Variants in BANK1 observed in about 807,000 individuals in gnomAD.
The protein encoded by BANK1 is B-cell scaffold protein with ankyrin repeats.
A neutral mutation model predicts 94.5 loss-of-function variants in BANK1; 95 were observed. The ratio of observed to expected loss-of-function variants is 1.00; its 90% confidence interval spans 0.85 to 1.19. The LOEUF (loss-of-function observed/expected upper bound fraction) is 1.19. Among genes scored for constraint, BANK1 ranks in the 50% most tolerant of loss-of-function variants. The probability of loss-of-function intolerance (pLI) is 0.00; values close to 1 mark genes in which losing one functional copy is unlikely to be tolerated. For missense variants in BANK1, 987 were observed against 932.2 expected, an observed-to-expected ratio of 1.06 and a Z score of -0.77; for synonymous variants, 334 against 308.4, an observed-to-expected ratio of 1.08 and a Z score of -0.87.
chr4:102,066,043 C>G (rs1728580250), intron 13 of BANK1, among the ~76,000 whole-genome samples: 1 of 152,062 alleles, frequency 6.6e-6, no homozygotes, highest in Non-Finnish European at 1.5e-5. Flanking sequence ...TTAATGCAAA[C>G]CACTTGCATA....
chr4:101,836,957 A>G (rs1053248445), intron 2 of BANK1, among the ~76,000 whole-genome samples: 1 of 152,052 alleles, frequency 6.6e-6, no homozygotes, highest in African/African-American at 2.4e-5. Flanking sequence ...ATTGGCCTAG[A>G]TCTTCATCTT....
At chr4:101,937,900 T>C (rs1356003883) in intron 7 of BANK1, among the ~76,000 whole-genome samples, 2 of 151,890 alleles carry the variant, frequency 1.3e-5, no homozygotes, top group African/African-American at 4.8e-5. Context: ...CATGGAATAC[T>C]ATGCAGCCAT....
chr4:101,994,208 T>G lies in BANK1; in HGVS notation c.1207-27306T>G, dbSNP rs552581748. ...ACAAAAGGAACATATCTAAGTTTTGTTAAATTCCAATTAAAGAATGAGTTA... is the reference window on the plus strand; with the variant it reads ...ACAAAAGGAACATATCTAAGTTTTGGTAAATTCCAATTAAAGAATGAGTTA... On this transcript the variant is annotated intron_variant, in intron 7 of 16. Transcript: ENST00000322953. Among the ~76,000 whole-genome samples, 4 of 152,330 alleles carry G rather than the reference T, an allele frequency of 2.6e-5. No homozygotes were observed. The East Asian group carries it at 7.7e-4, about 29-fold the overall frequency.
chr4:101,844,394 G>T (rs935884284), intron 2 of BANK1, among the ~76,000 whole-genome samples: 6 of 152,214 alleles, frequency 3.9e-5, no homozygotes, highest in Non-Finnish European at 8.8e-5. Context: ...GAACTGGTGA[G>T]AAGATTGGAA....
At chr4:101,867,093 C>A in intron 4 of BANK1, among the ~76,000 whole-genome samples, 1 of 72,280 alleles carries the variant, frequency 1.4e-5, no homozygotes, top group Non-Finnish European at 2.5e-5. Flanking sequence ...TGCAGTGCAC[C>A]AGCATGGCAC....
chr4:101,891,753 C>T (rs979763868), intron 5 of BANK1, among the ~76,000 whole-genome samples: 1 of 151,966 alleles, frequency 6.6e-6, no homozygotes, highest in Admixed American at 6.6e-5. Context: ...TTCCTCTGTT[C>T]TCTTCATGTC....
intron 10 of BANK1, chr4:102,036,963 G>T (rs1159366504): frequency 6.6e-6 from 1 of 152,176 alleles, no homozygotes. Flanking sequence ...GACATTAAAA[G>T]ATTTTCATTA....
chr4:101,819,483 A>G (rs543820303), intron 1 of BANK1, among the ~76,000 whole-genome samples: 2 of 152,304 alleles, frequency 1.3e-5, no homozygotes, highest in Admixed American at 1.3e-4. Flanking sequence ...TAGAACCTTC[A>G]TAGGCTATAC....
chr4:101,910,335 CAAATT>C (rs2148897185), intron 6 of BANK1, among the ~76,000 whole-genome samples: 1 of 152,236 alleles, frequency 6.6e-6, no homozygotes, highest in East Asian at 1.9e-4. Flanking sequence ...TGACATATAT[CAAATT>C]AAAGTCAAGA....
intron 13 of BANK1, among the ~76,000 whole-genome samples, chr4:102,069,387 C>T (rs913662332): frequency 6.6e-6 from 1 of 152,150 alleles, no homozygotes; most frequent in Non-Finnish European, 1.5e-5. Context: ...TGCTCAATAT[C>T]ATTAACCATT....
intron 7 of BANK1, among the ~76,000 whole-genome samples, chr4:101,992,264 T>C (rs1356835981): frequency 1.3e-5 from 2 of 152,176 alleles, no homozygotes; most frequent in Non-Finnish European, 2.9e-5. Flanking sequence ...TGTGAAATCA[T>C]GCATTGATGA....
In BANK1 at chr4:101,822,617, C is replaced by CT. The variant is rs35179391; in HGVS notation, c.71-7175dup. Among the ~76,000 whole-genome samples the CT allele has an allele frequency of 1.2e-3, 168 of 139,636 alleles. 1 individual carries two copies. Among genetic ancestry groups the CT allele is most frequent in the Admixed American group, 2.0e-3 (28 of 13,952 alleles). The allele number at this position is 139,636 out of a possible 152,430, so 91.6% of individuals were successfully genotyped here. On this transcript the variant is annotated intron_variant, in intron 1 of 16. Coordinates refer to ENST00000322953, the MANE Select transcript of BANK1 (RefSeq NM_017935.5). The stretch of plus-strand genomic sequence containing the variant: ...GGTCAGTGTTGTCTTGGAATCAATA[C>CT]TTTTTTTTTTTTTTTTGAGACAGAG...
chr4:101,953,291 C>T (rs1285077474), intron 7 of BANK1, among the ~76,000 whole-genome samples: 1 of 152,102 alleles, frequency 6.6e-6, no homozygotes, highest in African/African-American at 2.4e-5. Flanking sequence ...TTTTCTCCAT[C>T]TTTTGTCATA....
chr4:101,830,065 A>C lies in BANK1; in HGVS notation c.328A>C (p.Ser110Arg). The change falls in exon 2 of 17, where the codon AGT (serine) becomes CGT (arginine). Residue 110 changes from serine to arginine, a missense_variant. By Grantham distance (110) the Ser-to-Arg change is moderately radical. Coordinates refer to ENST00000322953, the MANE Select transcript of BANK1 (RefSeq NM_017935.5). ...FLEKILHSPK[S>R]VVTLLCGVKS... is the part of the protein sequence containing the mutation. ...GGAAAAGATACTTCATTCACCAAAA[A>C]GTGTAGTTACTTTGCTTTGTGGAGT... 3 of 1,613,942 alleles carry C rather than the reference A, an allele frequency of 1.9e-6. No homozygotes were observed. Among genetic ancestry groups the C allele is most frequent in the Non-Finnish European group, 2.5e-6 (3 of 1,179,914 alleles).
At chr4:101,889,217 C>T (rs563507077) in intron 5 of BANK1, among the ~76,000 whole-genome samples, 2 of 152,134 alleles carry the variant, frequency 1.3e-5, no homozygotes, top group African/African-American at 2.4e-5. Context: ...CATATACTCC[C>T]TTTTATTCTT....
chr4:101,943,032 G>C (rs1723806108), intron 7 of BANK1, among the ~76,000 whole-genome samples: 1 of 151,876 alleles, frequency 6.6e-6, no homozygotes, highest in Admixed American at 6.6e-5. Flanking sequence ...TGAGCCAATG[G>C]TAGTTAGCCA....
intron 7 of BANK1, among the ~76,000 whole-genome samples, chr4:101,956,053 T>C (rs1724325229): frequency 6.6e-6 from 1 of 152,200 alleles, no homozygotes; most frequent in Non-Finnish European, 1.5e-5. Context: ...ATAACTCCTA[T>C]AGATTTTTTT....
intron 6 of BANK1, among the ~76,000 whole-genome samples, chr4:101,915,390 T>C (rs1219283395): frequency 6.6e-6 from 1 of 152,152 alleles, no homozygotes; most frequent in Non-Finnish European, 1.5e-5. Flanking sequence ...TTTAGAATTT[T>C]GGTATTTAAG....
rs1728856619 is a variant in BANK1, at chr4:102,074,393, C to G, written c.*394C>G. ...ATTATTCCTCCTCTCCTTAGAATAA[C>G]CATGAAAATACAAATTTACTTAGCA... On this transcript the variant is annotated 3_prime_UTR_variant, in exon 17 of 17. Coordinates refer to ENST00000322953, the MANE Select transcript of BANK1 (RefSeq NM_017935.5). 6.6e-6 allele frequency: 1 copy of G among 152,002 alleles called. No individual in the cohort carries two copies. Among genetic ancestry groups the G allele is most frequent in the Non-Finnish European group, 1.5e-5 (1 of 67,906 alleles). The allele number at this position is 152,002 out of a possible 1,614,324, so 9.4% of individuals were successfully genotyped here.
Sources: allele counts gnomAD v4.1 joint callset (sites outside exome capture counted in the v4.1 genomes callset), GRCh38; gene constraint gnomAD v4.1.1; transcripts MANE v1.5; gene names NCBI Gene and HGNC (gene_info 2026-07-23, HGNC 2026-07-21).